The following MTUS1 variants were observed in gnomAD, a reference collection of about 807,000 sequenced individuals.
MTUS1 encodes the protein microtubule-associated tumor suppressor 1.
MTUS1 carries 109 observed loss-of-function variants against 120.8 expected under a neutral mutation model. That is an observed-to-expected ratio of 0.90 (90% CI 0.77 to 1.06). The LOEUF is 1.06. MTUS1 is among the 50% of genes least tolerant of loss of function. The pLI, the probability that MTUS1 is intolerant of heterozygous loss-of-function variation, is 0.00. For synonymous variants in MTUS1, 737 were observed against 550.5 expected, an observed-to-expected ratio of 1.34 and a Z score of -4.74; for missense variants, 2,210 against 1,486.3, an observed-to-expected ratio of 1.49 and a Z score of -8.01.
chr8:17,719,215 A>C (rs1449812223), intron 4 of MTUS1, among the ~76,000 whole-genome samples: 1 of 152,176 alleles, frequency 6.6e-6, no homozygotes, highest in Non-Finnish European at 1.5e-5. Flanking sequence ...TTTTATCTGC[A>C]AACTAACATT....
At chr8:17,680,726 T>C (rs1220790197) in intron 7 of MTUS1, among the ~76,000 whole-genome samples, 1 of 152,086 alleles carries the variant, frequency 6.6e-6, no homozygotes, top group Admixed American at 6.5e-5. Flanking sequence ...CCTCGGCTTG[T>C]GTTTAGAGGC....
chr8:17,740,037 C>G (rs1435708369), intron 3 of MTUS1, among the ~76,000 whole-genome samples: 1 of 152,078 alleles, frequency 6.6e-6, no homozygotes, highest in Non-Finnish European at 1.5e-5. Context: ...GAAACCCTGT[C>G]TCTACTAAAA....
intron 7 of MTUS1, among the ~76,000 whole-genome samples, chr8:17,682,614 G>C (rs1814804389): frequency 6.6e-6 from 1 of 152,000 alleles, no homozygotes; most frequent in East Asian, 1.9e-4. Context: ...CAAAGACATA[G>C]GAAGGGGAAA....
chr8:17,703,453 G>T (rs1819512962), intron 6 of MTUS1, among the ~76,000 whole-genome samples: 1 of 152,004 alleles, frequency 6.6e-6, no homozygotes, highest in South Asian at 2.1e-4. Flanking sequence ...TTAACATGGT[G>T]AAACCCCGTC....
At chr8:17,687,868 A>G (rs1429346731) in intron 6 of MTUS1, among the ~76,000 whole-genome samples, 1 of 152,220 alleles carries the variant, frequency 6.6e-6, no homozygotes, top group African/African-American at 2.4e-5. Context: ...TCATCTTCTT[A>G]AAGAAAGTAG....
Position 17,754,657 on chromosome 8 carries a change from T to C in MTUS1, c.1151A>G (p.Lys384Arg), listed in dbSNP as rs1563329351. Residue 384 changes from lysine to arginine, a missense_variant, in exon 2 of 15, where the codon AAG (lysine) becomes AGG (arginine). Physicochemically the swap from Lys to Arg is conservative, Grantham distance 26. Coordinates refer to ENST00000693296, the MANE Select transcript of MTUS1 (RefSeq NM_001363059.2). ...GGTATGATTTTGGGTTCCCAAATCC[T>C]TTCCTTTGGAGACCATTTGTGTGTC... The part of the protein sequence containing the change: ...TEDTQMVSKG[K>R]DLGTQNHTSE... 3.1e-6 allele frequency: 5 copies of C among 1,614,136 alleles called. No homozygotes were observed. The highest frequency in any genetic ancestry group is 2.2e-5 in the East Asian group (1 of 44,894).
chr8:17,693,886 C>G (rs1054242707), intron 6 of MTUS1, among the ~76,000 whole-genome samples: 1 of 152,150 alleles, frequency 6.6e-6, no homozygotes, highest in African/African-American at 2.4e-5. Context: ...ACGGGTACTT[C>G]TTTATGAAAC....
chr8:17,761,492 A>G (rs775945194), intron 1 of MTUS1, among the ~76,000 whole-genome samples: 4 of 152,214 alleles, frequency 2.6e-5, no homozygotes, highest in African/African-American at 4.8e-5. Flanking sequence ...AGTTGTCAAT[A>G]GCAGATTATA....
At chr8:17,683,574 G>C (rs1206411528) in intron 7 of MTUS1, among the ~76,000 whole-genome samples, 1 of 152,088 alleles carries the variant, frequency 6.6e-6, no homozygotes, top group African/African-American at 2.4e-5. Context: ...TTCCAGGCAT[G>C]AGCCACAGTA....
chr8:17,672,729 G>A (rs1812278821), intron 8 of MTUS1, among the ~76,000 whole-genome samples: 1 of 152,194 alleles, frequency 6.6e-6, no homozygotes, highest in Admixed American at 6.5e-5. Flanking sequence ...CTGGGTGACT[G>A]GGGATCTGGA....
chr8:17,670,455 C>A (rs1317698459), intron 8 of MTUS1, among the ~76,000 whole-genome samples: 1 of 152,116 alleles, frequency 6.6e-6, no homozygotes, highest in Non-Finnish European at 1.5e-5. Context: ...TTTCCCCCAG[C>A]CCATTAAAGG....
chr8:17,671,261 T>C (rs1811962554), intron 8 of MTUS1, among the ~76,000 whole-genome samples: 1 of 150,936 alleles, frequency 6.6e-6, no homozygotes, highest in Non-Finnish European at 1.5e-5. Context: ...ATCTTAATTT[T>C]CATACATTGT....
intron 3 of MTUS1, among the ~76,000 whole-genome samples, chr8:17,739,386 G>C (rs947368038): frequency 1.4e-4 from 21 of 152,010 alleles, no homozygotes; most frequent in Non-Finnish European, 2.4e-4. Context: ...CCAGCTACTC[G>C]GGAGGCTGAG....
At chr8:17,668,184 T>C (rs1304376523) in intron 8 of MTUS1, among the ~76,000 whole-genome samples, 2 of 151,978 alleles carry the variant, frequency 1.3e-5, no homozygotes, top group Non-Finnish European at 2.9e-5. Flanking sequence ...CAACACAAAT[T>C]TGTAAACTTT....
rs2047513981 is a variant in MTUS1, at chr8:17,743,697, G to GGGGCCC, written c.2188_2193dup (p.Gly730_Pro731dup). On this transcript the variant is annotated inframe_insertion, in exon 3 of 15. Transcript: ENST00000693296. ...CTGTTCCGCCTCAAACAGGAAACAG[G>GGGGCCC]GGGCCCCACTTTGGCTTTTGGAGCA... 5 of 1,614,022 alleles carry GGGGCCC rather than the reference G, an allele frequency of 3.1e-6. No individual in the cohort carries two copies. The highest frequency in any genetic ancestry group is 4.2e-6 in the Non-Finnish European group (5 of 1,180,044).
intron 4 of MTUS1, chr8:17,721,706 A>G (rs1239795945): frequency 6.4e-7 from 1 of 1,552,368 alleles, no homozygotes; most frequent in African/African-American, 1.4e-5. Flanking sequence ...GAAATCGTCG[A>G]CCTACTTTTT....
At chr8:17,766,069 G>A (rs947335059) in intron 1 of MTUS1, among the ~76,000 whole-genome samples, 1 of 152,100 alleles carries the variant, frequency 6.6e-6, no homozygotes, top group Non-Finnish European at 1.5e-5. Flanking sequence ...AAATAAAAAA[G>A]CTTAATTGTC....
intron 6 of MTUS1, among the ~76,000 whole-genome samples, chr8:17,695,853 C>A (rs1817836110): frequency 6.6e-6 from 1 of 152,074 alleles, no homozygotes. Context: ...TGGAAACGTG[C>A]AAGAACACTA....
chr8:17,695,914 G>T (rs1206037581), intron 6 of MTUS1, among the ~76,000 whole-genome samples: 2 of 152,070 alleles, frequency 1.3e-5, no homozygotes, highest in Admixed American at 1.3e-4. Flanking sequence ...AGGGACTCTG[G>T]GTAAGAGAGA....
Sources: allele counts gnomAD v4.1 joint callset (sites outside exome capture counted in the v4.1 genomes callset), GRCh38; gene constraint gnomAD v4.1.1; transcripts MANE v1.5; gene names NCBI Gene and HGNC (gene_info 2026-07-23, HGNC 2026-07-21).